NEDD9: variants seen among roughly 807,000 people sequenced by gnomAD.
NEDD9 encodes the protein enhancer of filamentation 1.
A neutral mutation model predicts 76.6 loss-of-function variants in NEDD9; 26 were observed. That is an observed-to-expected ratio of 0.34 (90% CI 0.25 to 0.47). The LOEUF (loss-of-function observed/expected upper bound fraction) is 0.47, where lower values mean the gene tolerates loss of function less well. NEDD9 is among the 20% of genes least tolerant of loss of function. The probability of loss-of-function intolerance (pLI) is 1.00; values close to 1 mark genes in which losing one functional copy is unlikely to be tolerated. For synonymous variants in NEDD9, 392 were observed against 414.2 expected, an observed-to-expected ratio of 0.95 and a Z score of 0.65; for missense variants, 937 against 1,058.5, an observed-to-expected ratio of 0.89 and a Z score of 1.59.
At chr6:11,186,100 G>A (rs1048178803) in intron 6 of NEDD9, among the ~76,000 whole-genome samples, 2 of 152,148 alleles carry the variant, frequency 1.3e-5, no homozygotes, top group African/African-American at 4.8e-5. Flanking sequence ...GTAAGTCACT[G>A]ACAGTTTGCT....
chr6:11,201,324 T>C (rs1758448706), intron 2 of NEDD9, among the ~76,000 whole-genome samples: 1 of 152,168 alleles, frequency 6.6e-6, no homozygotes, highest in Admixed American at 6.5e-5. Flanking sequence ...CCAATCCCCC[T>C]CCCCACAGCA....
In NEDD9 at chr6:11,273,310, T is replaced by C. The variant is rs141413980; in HGVS notation, c.12+32682A>G. On this transcript the variant is annotated intron_variant, in intron 3 of 3. Transcript: ENST00000397378. ...ATATTCTTGAAAATGTGTATCCAAGTTGAGATTAAAAAAATTATAACTAGC... is the reference window on the plus strand; with the variant it reads ...ATATTCTTGAAAATGTGTATCCAAGCTGAGATTAAAAAAATTATAACTAGC... Among the ~76,000 whole-genome samples, 219 of 152,368 alleles carry C rather than the reference T, an allele frequency of 1.4e-3. 3 individuals carry two copies. The highest frequency in any genetic ancestry group is 4.9e-3 in the African/African-American group (204 of 41,596).
At chr6:11,222,239 T>G (rs1306888052) in intron 1 of NEDD9, among the ~76,000 whole-genome samples, 1 of 152,174 alleles carries the variant, frequency 6.6e-6, no homozygotes, top group Non-Finnish European at 1.5e-5. Context: ...GTTGTCCATC[T>G]CCCAGCCAGA....
Position 11,370,083 on chromosome 6 carries a change from A to G in NEDD9, c.-214+12056T>C, listed in dbSNP as rs1438951496. On this transcript the variant is annotated intron_variant, in intron 1 of 3. Coordinates refer to the NEDD9 transcript ENST00000397378. This position sits in a 1 kb window ranked among gnomAD's most constrained non-coding sequence, Gnocchi z 4.2. Reference sequence around the variant, plus strand: ...GGGTATTCAGGGAATATCATTAGGGATGTCAACTGAGGTATATAAAGAGTC... The same window carrying G: ...GGGTATTCAGGGAATATCATTAGGGGTGTCAACTGAGGTATATAAAGAGTC... Among the ~76,000 whole-genome samples the G allele has an allele frequency of 6.6e-6, 1 of 152,208 alleles. No homozygotes were observed. Among genetic ancestry groups the G allele is most frequent in the African/African-American group, 2.4e-5 (1 of 41,452 alleles).
At chr6:11,357,976 A>G (rs540321799) in intron 1 of NEDD9, among the ~76,000 whole-genome samples, 1 of 152,236 alleles carries the variant, frequency 6.6e-6, no homozygotes, top group East Asian at 1.9e-4. Context: ...ATGGGGCCGC[A>G]TGGTGGCTCA....
chr6:11,287,461 G>A (rs539332594), intron 3 of NEDD9, among the ~76,000 whole-genome samples: 1 of 152,150 alleles, frequency 6.6e-6, no homozygotes, highest in South Asian at 2.1e-4. Context: ...AGTAGTTAAT[G>A]TCTGTGGACA....
intron 1 of NEDD9, among the ~76,000 whole-genome samples, chr6:11,219,325 C>T (rs147716645): frequency 3.3e-5 from 5 of 152,314 alleles, no homozygotes; most frequent in Admixed American, 2.6e-4. Flanking sequence ...CTCATGCGGT[C>T]GTTTGAAGAG....
chr6:11,335,962 T>TTTA (rs199528556), intron 1 of NEDD9, among the ~76,000 whole-genome samples: 1 of 152,146 alleles, frequency 6.6e-6, no homozygotes, highest in African/African-American at 2.4e-5. Context: ...CAGAAGCTCG[T>TTTA]CTGCACTTGA....
intron 6 of NEDD9, 36 bp downstream of exon 6, chr6:11,188,182 C>A: frequency 6.6e-7 from 1 of 1,516,280 alleles, no homozygotes; most frequent in South Asian, 1.1e-5. Flanking sequence ...GGAAATCTTT[C>A]CAATGCCAAG....
intron 1 of NEDD9, among the ~76,000 whole-genome samples, chr6:11,220,717 T>C (rs930498605): frequency 6.6e-6 from 1 of 152,216 alleles, no homozygotes; most frequent in African/African-American, 2.4e-5. Flanking sequence ...TATTTGGATC[T>C]CAGAAAGAAA....
At chr6:11,333,640 G>A (rs1402889886) in intron 2 of NEDD9, among the ~76,000 whole-genome samples, 1 of 152,244 alleles carries the variant, frequency 6.6e-6, no homozygotes, top group Non-Finnish European at 1.5e-5. Flanking sequence ...TCCTGGCAGG[G>A]AAGGCTGTCT....
chr6:11,265,223 G>A (rs544181967), intron 3 of NEDD9, among the ~76,000 whole-genome samples: 1 of 152,310 alleles, frequency 6.6e-6, no homozygotes, highest in African/African-American at 2.4e-5. Context: ...TGAATCCTGG[G>A]TTATTTCACA....
At chr6:11,277,524 G>C (rs1561814190) in intron 3 of NEDD9, among the ~76,000 whole-genome samples, 1 of 152,138 alleles carries the variant, frequency 6.6e-6, no homozygotes, top group Non-Finnish European at 1.5e-5. Flanking sequence ...GCATGGGCAG[G>C]GGGTGGAAAA....
chr6:11,196,839 G>A (rs1368911086), intron 2 of NEDD9, among the ~76,000 whole-genome samples: 3 of 152,080 alleles, frequency 2.0e-5, no homozygotes, highest in African/African-American at 7.2e-5. Context: ...GCATTGTGAC[G>A]TGTGGAAGAT....
intron 3 of NEDD9, among the ~76,000 whole-genome samples, chr6:11,272,431 T>G (rs552175744): frequency 6.6e-6 from 1 of 152,376 alleles, no homozygotes; most frequent in South Asian, 2.1e-4. Flanking sequence ...TCTGGCTACA[T>G]GCACATTTGA....
chr6:11,192,227 G>T (rs2113721104), intron 4 of NEDD9, 118 bp downstream of exon 4: 11 of 594,632 alleles, frequency 1.8e-5, no homozygotes, highest in South Asian at 1.1e-4. Context: ...TCCCCTTTTG[G>T]GTTTGCCTTT....
rs774299501 is a variant in NEDD9, at chr6:11,185,466, C to G, written c.2201G>C (p.Ser734Thr). 1 of 1,614,226 alleles carries G rather than the reference C, an allele frequency of 6.2e-7. No homozygotes were observed. Among genetic ancestry groups the G allele is most frequent in the South Asian group, 1.1e-5 (1 of 91,090 alleles). ...GAAGATTCGCGGGGGCTGGGCTGAGCTGACACAACTGAAGAGTGCGTCAAT... is the reference window on the plus strand; with the variant it reads ...GAAGATTCGCGGGGGCTGGGCTGAGGTGACACAACTGAAGAGTGCGTCAAT... ...NAIDALFSCV[S>T]SAQPPRIFVA... The change falls in exon 7 of 7, where the codon AGC becomes ACC. Residue 734 changes from serine (S) to threonine (T), a missense_variant. Transcript: ENST00000379446.
chr6:11,229,995 GTCTT>G (rs1486792067), intron 1 of NEDD9, among the ~76,000 whole-genome samples: 1 of 152,226 alleles, frequency 6.6e-6, no homozygotes, highest in African/African-American at 2.4e-5. Context: ...TGATTCATAA[GTCTT>G]TCAGTAAACA....
intron 2 of NEDD9, among the ~76,000 whole-genome samples, chr6:11,308,097 G>A (rs1761245380): frequency 6.6e-6 from 1 of 152,118 alleles, no homozygotes; most frequent in Non-Finnish European, 1.5e-5. Flanking sequence ...TCCTGACGGG[G>A]GGCCTGGAAG....
Sources: allele counts gnomAD v4.1 joint callset (sites outside exome capture counted in the v4.1 genomes callset), GRCh38; gene constraint gnomAD v4.1.1; non-coding constraint Gnocchi (gnomAD v3.1); transcripts MANE v1.5; gene names NCBI Gene and HGNC (gene_info 2026-07-23, HGNC 2026-07-21).